Variants in POLK observed in about 807,000 individuals in gnomAD.
The protein encoded by POLK is polymerase (DNA directed) kappa.
A neutral mutation model predicts 94.0 loss-of-function variants in POLK; 76 were observed. The ratio of observed to expected loss-of-function variants is 0.81; its 90% CI spans 0.67 to 0.98. The LOEUF (loss-of-function observed/expected upper bound fraction) is 0.98, where lower values mean the gene tolerates loss of function less well. POLK is among the 50% of genes least tolerant of loss of function. The pLI is 0.00. For missense variants in POLK, 954 were observed against 1,010.1 expected, an observed-to-expected ratio of 0.94 and a Z score of 0.75; for synonymous variants, 349 against 325.4, an observed-to-expected ratio of 1.07 and a Z score of -0.78.
Position 75,581,969 on chromosome 5 carries a change from G to A in POLK, c.934+521G>A, listed in dbSNP as rs368811667. ...GCTGGGATTACAGGCCTGAGCCACC[G>A]CGCCCGACTCATAAATTTCATATAG... is the stretch of plus-strand genomic sequence containing the variant. On this transcript the variant is annotated intron_variant, in intron 7 of 14. Transcript: ENST00000241436. 137 of 973,978 alleles carry A rather than the reference G, an allele frequency of 1.4e-4. No homozygotes were observed. In the South Asian group the frequency reaches 1.5e-3, roughly 10 times the overall value. 60.3% of individuals were successfully genotyped at this position (973,978 alleles called of 1,614,324 possible). A position where few individuals can be genotyped will look rare whatever the true frequency, so the allele number is the denominator to read the frequency against.
upstream of POLK, chr5:75,511,636 C>T (rs899733261): frequency 6.7e-7 from 1 of 1,494,434 alleles, no homozygotes; most frequent in Non-Finnish European, 8.9e-7. Context: ...ATTTACCCTC[C>T]CCTCCCCTGT....
chr5:75,608,292 C>G, the POLK span, among the ~76,000 whole-genome samples: 1 of 151,902 alleles, frequency 6.6e-6, no homozygotes, highest in African/African-American at 2.4e-5. Flanking sequence ...CTCCGTGGCT[C>G]AGGCCATACT....
Position 75,566,168 on chromosome 5 carries a change from G to A in POLK, c.256-3172G>A, listed in dbSNP as rs1010588792. The stretch of plus-strand genomic sequence containing the variant: ...CCCACTGGGTTTGTTTACACTGTGA[G>A]GGGAAAACCACCTACTCAGGCCTCA... On this transcript the variant is annotated intron_variant, in intron 3 of 14. Coordinates refer to ENST00000241436, the Ensembl canonical transcript of POLK. Among the ~76,000 whole-genome samples, 17 of 152,326 alleles carry A rather than the reference G, an allele frequency of 1.1e-4. No homozygotes were observed. In the East Asian group the frequency reaches 1.9e-3, roughly 17 times the overall value.
chr5:75,541,764 A>G (rs936178146), intron 1 of POLK, among the ~76,000 whole-genome samples: 3 of 152,234 alleles, frequency 2.0e-5, no homozygotes, highest in African/African-American at 4.8e-5. Context: ...ATTAAAAGCT[A>G]AAGCTAAAAA....
At chr5:75,541,881 A>G (rs1769760615) in intron 1 of POLK, among the ~76,000 whole-genome samples, 1 of 152,248 alleles carries the variant, frequency 6.6e-6, no homozygotes, top group Non-Finnish European at 1.5e-5. Context: ...AAGAACATGG[A>G]AAAATAATCT....
At chr5:75,583,393 C>A in exon 8 of POLK, 3 of 1,602,512 alleles carry the variant, frequency 1.9e-6, no homozygotes, top group Non-Finnish European at 1.7e-6. Context: ...TGATGGACTT[C>A]ATCAAGGATT....
At position 75,524,275 on chromosome 5, in the gene POLK, G is replaced by T. The variant is rs5744560; in HGVS notation, c.-14+12361G>T. On this transcript the variant is annotated intron_variant, in intron 1 of 14. Coordinates refer to ENST00000241436, the Ensembl canonical transcript of POLK. ...GTAGGGGTGGACAGTTCACAGAATA[G>T]GTTTAAATCTAGGAACTGAGTCAGT... is the stretch of plus-strand genomic sequence containing the variant. Among the ~76,000 whole-genome samples the T allele has an allele frequency of 2.6e-5, 4 of 152,174 alleles. No individual in the cohort carries two copies. The East Asian group carries it at 5.8e-4, about 22-fold the overall frequency.
At chr5:75,542,239 T>G (rs1769776064) in intron 1 of POLK, among the ~76,000 whole-genome samples, 1 of 152,118 alleles carries the variant, frequency 6.6e-6, no homozygotes, top group South Asian at 2.1e-4. Flanking sequence ...ATATTAGAAA[T>G]AGGAAACAAG....
chr5:75,576,891 A>T lies in POLK; in HGVS notation c.652A>T (p.Lys218Ter). The change falls in exon 6 of 15, where the codon AAA becomes TAA. Residue 218 changes from lysine (K) to a stop codon, truncating the protein, a stop_gained. Coordinates refer to ENST00000241436, the Ensembl canonical transcript of POLK. LOFTEE classifies it high-confidence loss of function. Reference sequence around the variant, plus strand: ...AGAAAGACAAAATTGGCCTGAGGATAAAAGAAGGTATTTCATCAAAATGGG... The same window carrying T: ...AGAAAGACAAAATTGGCCTGAGGATTAAAGAAGGTATTTCATCAAAATGGG... 1 of 1,568,754 alleles carries T rather than the reference A, an allele frequency of 6.4e-7. No individual in the cohort carries two copies. The highest frequency in any genetic ancestry group is 8.6e-7 in the Non-Finnish European group (1 of 1,161,270).
intron 12 of POLK, among the ~76,000 whole-genome samples, chr5:75,594,732 T>C (rs1175155905): frequency 6.6e-6 from 1 of 152,232 alleles, no homozygotes; most frequent in African/African-American, 2.4e-5. Context: ...CAGAACTTTT[T>C]GGATTTTGGA....
At chr5:75,519,650 G>C (rs1255916540) in intron 1 of POLK, among the ~76,000 whole-genome samples, 1 of 152,146 alleles carries the variant, frequency 6.6e-6, no homozygotes, top group Admixed American at 6.5e-5. Flanking sequence ...TCACTTTTTG[G>C]AGTCTTTGAC....
intron 1 of POLK, chr5:75,538,581 T>A (rs1769573566): frequency 6.6e-6 from 1 of 152,200 alleles, no homozygotes; most frequent in Non-Finnish European, 1.5e-5. Context: ...TCATCAATTT[T>A]TTTTGGCAGG....
At chr5:75,520,420 G>A (rs980415274) in intron 1 of POLK, among the ~76,000 whole-genome samples, 1 of 152,086 alleles carries the variant, frequency 6.6e-6, no homozygotes, top group Non-Finnish European at 1.5e-5. Context: ...TCAGAGACAG[G>A]GTCTTGCCTT....
At chr5:75,594,527 C>T (rs1038210076) in intron 12 of POLK, among the ~76,000 whole-genome samples, 1 of 152,116 alleles carries the variant, frequency 6.6e-6, no homozygotes, top group Non-Finnish European at 1.5e-5. Flanking sequence ...TTTCAAAATT[C>T]AAAACTTTTC....
At chr5:75,556,841 C>T (rs897123417) in intron 3 of POLK, among the ~76,000 whole-genome samples, 3 of 151,956 alleles carry the variant, frequency 2.0e-5, no homozygotes, top group Admixed American at 1.3e-4. Context: ...GTGGGAAGAT[C>T]GCTTGAGCCC....
At chr5:75,571,319 C>A (rs1049556616) in intron 4 of POLK, among the ~76,000 whole-genome samples, 5 of 151,956 alleles carry the variant, frequency 3.3e-5, no homozygotes, top group Non-Finnish European at 7.4e-5. Context: ...TCTTTTTTGG[C>A]GAATTTGATG....
exon 13 of POLK, chr5:75,596,594 T>A: frequency 6.2e-7 from 1 of 1,613,894 alleles, no homozygotes; most frequent in South Asian, 1.1e-5. Context: ...CAAGGGTGCA[T>A]CAGTCTGGAA....
intron 12 of POLK, 74 bp downstream of exon 12, chr5:75,594,123 G>A (rs977721764): frequency 1.8e-6 from 2 of 1,110,158 alleles, no homozygotes; most frequent in Non-Finnish European, 2.6e-6. Flanking sequence ...TGGGAATACA[G>A]GGGGCCCCCA....
chr5:75,560,642 A>G (rs1395294209), intron 3 of POLK, among the ~76,000 whole-genome samples: 1 of 152,090 alleles, frequency 6.6e-6, no homozygotes, highest in African/African-American at 2.4e-5. Flanking sequence ...TACATTAGGT[A>G]TTTCTACTAA....
Sources: allele counts gnomAD v4.1 joint callset (sites outside exome capture counted in the v4.1 genomes callset), GRCh38; gene constraint gnomAD v4.1.1; transcripts MANE v1.5; gene names NCBI Gene and HGNC (gene_info 2026-07-23, HGNC 2026-07-21).